RRP1B: variants seen among roughly 807,000 people sequenced by gnomAD.
The protein encoded by RRP1B is ribosomal RNA processing 1B.
A neutral mutation model predicts 80.2 loss-of-function variants in RRP1B; 56 were observed. The observed-to-expected ratio is 0.70, with a 90% CI of 0.56 to 0.87. RRP1B has a LOEUF of 0.87. Among genes scored for constraint, RRP1B ranks in the 40% least tolerant of loss-of-function variants. The pLI is 0.00. For synonymous variants in RRP1B, 351 were observed against 357.6 expected (o/e 0.98, Z 0.21); for missense variants, 807 against 939.8 (o/e 0.86, Z 1.85).
At position 43,666,026 on chromosome 21, in the gene RRP1B, G is replaced by A. The variant is rs555818988; in HGVS notation, c.131-3858G>A. 3.9e-5 allele frequency among the ~76,000 whole-genome samples: 6 copies of A among 152,244 alleles called. No individual in the cohort carries two copies. In the East Asian group the frequency reaches 9.7e-4, roughly 25 times the overall value. On this transcript the variant is annotated intron_variant, in intron 1 of 15. Coordinates refer to ENST00000340648, the MANE Select transcript of RRP1B (RefSeq NM_015056.3). ...CTCAGGGCACTCCTTGTCCTTGCTG[G>A]GCAGCTACATTGGGATTTCCCTCCA...
chr21:43,667,153 ATGATCGGTCGGTGGGTT>A (rs1196413945), intron 1 of RRP1B, among the ~76,000 whole-genome samples: 1 of 152,128 alleles, frequency 6.6e-6, no homozygotes, highest in Admixed American at 6.5e-5. Context: ...GTGCATGTTA[ATGATCGGTCGGTGGGTT>A]TGGGTGTTGA....
In RRP1B at chr21:43,659,918, CG is replaced by C; in HGVS notation, c.130+126del. On this transcript the variant is annotated intron_variant, in intron 1 of 15. Transcript: ENST00000340648. This position sits in a 1 kb window ranked among gnomAD's most constrained non-coding sequence, Gnocchi z 4.2. Reference sequence around the variant, plus strand: ...TTGTCGTGACACCCAGCGTGTGCTTCGGTTTCCGCGCTGCCGGAACCGCTTC... The same window carrying C: ...TTGTCGTGACACCCAGCGTGTGCTTCGTTTCCGCGCTGCCGGAACCGCTTC... 1.8e-6 allele frequency: 2 copies of C among 1,122,598 alleles called. No individual in the cohort carries two copies. Among genetic ancestry groups the C allele is most frequent in the Admixed American group, 7.8e-5 (2 of 25,764 alleles). 69.5% of individuals were successfully genotyped at this position (1,122,598 alleles called of 1,614,324 possible).
rs187180277 is a variant in RRP1B, at chr21:43,688,893, G to A, written c.1866+653G>A. On this transcript the variant is annotated intron_variant, in intron 13 of 15. Transcript: ENST00000340648. ...CAACCTCCACCTCCCAGGTTCAAGC[G>A]ATTCTTCTGCCTCTGCCTCCCAAGT... Among the ~76,000 whole-genome samples, 304 of 152,296 alleles carry A rather than the reference G, an allele frequency of 2.0e-3. 4 individuals are homozygous for A. The highest frequency in any genetic ancestry group is 6.8e-3 in the African/African-American group (281 of 41,572).
At chr21:43,667,096 T>C (rs1168867637) in intron 1 of RRP1B, among the ~76,000 whole-genome samples, 1 of 152,194 alleles carries the variant, frequency 6.6e-6, no homozygotes, top group Non-Finnish European at 1.5e-5. Context: ...GGTGCAGCGT[T>C]CTTCCTGTTG....
Position 43,674,586 on chromosome 21 carries a change from C to CTTTTT in RRP1B, c.358-28_358-24dup, listed in dbSNP as rs33994751. On this transcript the variant is annotated intron_variant, in intron 4 of 15. Transcript: ENST00000340648. ...AGCTGATTAATATTTCTTACCTTTC[C>CTTTTT]TTTTTTTTTTTTTTTTTTTTTTTTT... 1.5e-3 allele frequency: 583 copies of CTTTTT among 392,398 alleles called. 4 individuals are homozygous for CTTTTT. Among genetic ancestry groups the CTTTTT allele is most frequent in the South Asian group, 2.8e-3 (79 of 28,176 alleles). 24.3% of individuals were successfully genotyped at this position (392,398 alleles called of 1,614,324 possible). A position where few individuals can be genotyped will look rare whatever the true frequency, so the allele number is the denominator to read the frequency against.
At chr21:43,667,794 G>C (rs1362612240) in intron 1 of RRP1B, among the ~76,000 whole-genome samples, 1 of 152,200 alleles carries the variant, frequency 6.6e-6, no homozygotes. Context: ...TTCATAACAA[G>C]AGGGCAAGAG....
intron 8 of RRP1B, among the ~76,000 whole-genome samples, chr21:43,678,844 C>T (rs1460944002): frequency 1.3e-5 from 2 of 152,152 alleles, no homozygotes; most frequent in Admixed American, 6.5e-5. Context: ...TTACCTAAGC[C>T]GACATCTGGA....
intron 1 of RRP1B, among the ~76,000 whole-genome samples, chr21:43,667,439 G>A (rs958749475): frequency 3.9e-5 from 6 of 152,114 alleles, no homozygotes; most frequent in Non-Finnish European, 8.8e-5. Flanking sequence ...GTTTAAGACA[G>A]GGTCTTGCTC....
chr21:43,660,835 C>T (rs1165714030), intron 1 of RRP1B, among the ~76,000 whole-genome samples: 1 of 152,144 alleles, frequency 6.6e-6, no homozygotes, highest in Non-Finnish European at 1.5e-5. Flanking sequence ...TCACACAGGG[C>T]TTTGTAGTTT....
intron 4 of RRP1B, 39 bp downstream of exon 4, chr21:43,673,994 G>A (rs2083010821): frequency 7.0e-7 from 1 of 1,419,624 alleles, no homozygotes; most frequent in Admixed American, 1.8e-5. Context: ...CTCCTGGGAA[G>A]AAAAGAATGT....
chr21:43,686,541 A>G, intron 11 of RRP1B: 1 of 356,352 alleles, frequency 2.8e-6, no homozygotes, highest in Non-Finnish European at 5.2e-6. Context: ...TGGAATGCAG[A>G]GACTGCATTA....
rs777475847 is a variant in RRP1B, at chr21:43,687,667, C to T, written c.1293C>T (p.Pro431=). Residue 431 remains proline (P), a synonymous_variant, in exon 13 of 16, where the codon CCC becomes CCT. Coordinates refer to ENST00000340648, the MANE Select transcript of RRP1B (RefSeq NM_015056.3). Reference sequence around the variant, plus strand: ...TGGAACAGAACCGGGGCAGGGAGCCCGAGGCCTCTGGGCTGAAAGCCCTGA... The same window carrying T: ...TGGAACAGAACCGGGGCAGGGAGCCTGAGGCCTCTGGGCTGAAAGCCCTGA... ...PSLEQNRGRE[P]EASGLKALKA... 6.3e-6 allele frequency: 10 copies of T among 1,593,320 alleles called. No homozygotes were observed. The highest frequency in any genetic ancestry group is 2.2e-5 in the South Asian group (2 of 89,408).
At position 43,683,269 on chromosome 21, in the gene RRP1B, A is replaced by C. The variant is rs2083050583; in HGVS notation, c.797-10A>C. On this transcript the variant is annotated splice_polypyrimidine_tract_variant and intron_variant, in intron 8 of 15. Coordinates refer to ENST00000340648, the MANE Select transcript of RRP1B (RefSeq NM_015056.3). ...TGTCAATAATTTGGTCTTTGGGTATATTTTGACAGCACTGGGCAAAAACCA... is the reference window on the plus strand; with the variant it reads ...TGTCAATAATTTGGTCTTTGGGTATCTTTTGACAGCACTGGGCAAAAACCA... 2.5e-6 allele frequency: 4 copies of C among 1,611,384 alleles called. No homozygotes were observed. Among genetic ancestry groups the C allele is most frequent in the Non-Finnish European group, 3.4e-6 (4 of 1,177,694 alleles).
chr21:43,680,079 G>C (rs1410494919), intron 8 of RRP1B, among the ~76,000 whole-genome samples: 2 of 152,082 alleles, frequency 1.3e-5, no homozygotes, highest in Non-Finnish European at 2.9e-5. Flanking sequence ...TACCATTCTA[G>C]GAGCTTTTTG....
Position 43,659,820 on chromosome 21 carries a change from C to G in RRP1B, c.130+26C>G. The G allele has an allele frequency of 6.7e-7, 1 of 1,489,744 alleles. No homozygotes were observed. Among genetic ancestry groups the G allele is most frequent in the Non-Finnish European group, 9.0e-7 (1 of 1,113,908 alleles). The allele number at this position is 1,489,744 out of a possible 1,614,324, so 92.3% of individuals were successfully genotyped here. A position where few individuals can be genotyped will look rare whatever the true frequency, so the allele number is the denominator to read the frequency against. ...GTGGGCGCACGGCCGCGGTCAGCCG[C>G]GCCACATGGCGGGCCGGGGGCCGGG... is the stretch of plus-strand genomic sequence containing the variant. On this transcript the variant is annotated intron_variant, in intron 1 of 15. Transcript: ENST00000340648. This position sits in a 1 kb window ranked among gnomAD's most constrained non-coding sequence, Gnocchi z 4.2.
chr21:43,688,194 A>G lies in RRP1B; in HGVS notation c.1820A>G (p.Glu607Gly), dbSNP rs1268504193. Reference sequence around the variant, plus strand: ...ATGAGAGTGATGTCAAACTTGGTGGAGCACAACGGGGTGCTGGAGTCCGAA... The same window carrying G: ...ATGAGAGTGATGTCAAACTTGGTGGGGCACAACGGGGTGCTGGAGTCCGAA... ...KKMRVMSNLV[E>G]HNGVLESEAG... The change falls in exon 13 of 16, where the codon GAG (glutamate) becomes GGG (glycine). Residue 607 changes from glutamate (E) to glycine (G), a missense_variant. Glu to Gly is a moderately conservative substitution (Grantham distance 98, BLOSUM62 -2). Transcript: ENST00000340648. The G allele has an allele frequency of 6.3e-7, 1 of 1,575,778 alleles. No homozygotes were observed. Among genetic ancestry groups the G allele is most frequent in the Admixed American group, 1.9e-5 (1 of 53,874 alleles).
intron 8 of RRP1B, among the ~76,000 whole-genome samples, chr21:43,680,717 T>C (rs908636226): frequency 2.0e-5 from 3 of 152,110 alleles, no homozygotes; most frequent in African/African-American, 4.8e-5. Flanking sequence ...CACACCTCTT[T>C]ATTTTTTGTA....
chr21:43,672,214 G>C (rs11909064), intron 2 of RRP1B, 94 bp from the exon 3 acceptor site: 651,269 of 1,015,072 alleles, frequency 0.64, 213,744 homozygotes, highest in African/African-American at 0.87. Context: ...ACCTTCCCAC[G>C]AGCGGAAGTG....
chr21:43,673,294 A>G (rs1263525192), intron 3 of RRP1B, among the ~76,000 whole-genome samples: 1 of 152,178 alleles, frequency 6.6e-6, no homozygotes, highest in African/African-American at 2.4e-5. Context: ...CAAATCTGAC[A>G]TTGCAATGTT....
Sources: gnomAD v4.1 joint callset for allele counts (sites outside exome capture counted in the v4.1 genomes callset) on GRCh38, gnomAD v4.1.1 for gene constraint, Gnocchi (gnomAD v3.1) non-coding constraint, MANE v1.5 for transcripts, NCBI Gene and HGNC (gene_info 2026-07-23, HGNC 2026-07-21) for gene names.